SLC8A3: variants seen among roughly 807,000 people sequenced by gnomAD.
The protein encoded by SLC8A3 is sodium/calcium exchanger 3.
In SLC8A3, 37 loss-of-function variants were observed where a neutral mutation model predicts 65.4. The ratio of observed to expected loss-of-function variants is 0.57; its 90% confidence interval spans 0.44 to 0.74. SLC8A3 has a LOEUF of 0.74. SLC8A3 is among the 30% of genes least tolerant of loss of function. SLC8A3 has a pLI of 0.00. For synonymous variants in SLC8A3, 461 were observed against 444.5 expected (o/e 1.04, Z -0.47); for missense variants, 1,112 against 1,172.1 (o/e 0.95, Z 0.75).
intron 2 of SLC8A3, among the ~76,000 whole-genome samples, chr14:70,103,990 A>G (rs1231905406): frequency 1.3e-5 from 2 of 152,144 alleles, no homozygotes; most frequent in Non-Finnish European, 2.9e-5. Flanking sequence ...GGCTACATTC[A>G]TATCAGTTAA....
Position 70,167,985 on chromosome 14 carries a change from A to G in SLC8A3, c.438T>C (p.Pro146=). The change falls in exon 2 of 7, where the codon CCT becomes CCC. Residue 146 remains proline, a synonymous_variant. Transcript: ENST00000356921. ...LTLMALGSSA[P]EILLSLIEVC... ...CCTCAATTAAAGAGAGGAGTATCTC[A>G]GGAGCAGAGGAACCCAGGGCCATAA... 5 of 1,613,174 alleles carry G rather than the reference A, an allele frequency of 3.1e-6. No individual in the cohort carries two copies. The highest frequency in any genetic ancestry group is 4.2e-6 in the Non-Finnish European group (5 of 1,179,102).
intron 2 of SLC8A3, among the ~76,000 whole-genome samples, chr14:70,156,970 A>G (rs1421288753): frequency 1.3e-5 from 2 of 152,220 alleles, no homozygotes; most frequent in South Asian, 2.1e-4. Flanking sequence ...AGATCAGAGA[A>G]AAAGTAAATG....
At chr14:70,164,773 T>G (rs1897076846) in intron 2 of SLC8A3, among the ~76,000 whole-genome samples, 1 of 152,230 alleles carries the variant, frequency 6.6e-6, no homozygotes, top group South Asian at 2.1e-4. Context: ...TGTCATTTAA[T>G]GCCTTACCAT....
At position 70,166,905 on chromosome 14, in the gene SLC8A3, A is replaced by T; in HGVS notation, c.1518T>A (p.Leu506=). Residue 506 remains leucine, a synonymous_variant, in exon 2 of 7, where the codon CTT becomes CTA. Coordinates refer to ENST00000356921, the MANE Select transcript of SLC8A3 (RefSeq NM_182932.3). ...EGMPPAIFNS[L]PLPRAVLASP... ...AGGCTAGGACAGCCCGAGGCAAGGG[A>T]AGACTGTTGAATATTGCTGGAGGCA... The T allele has an allele frequency of 6.2e-7, 1 of 1,614,168 alleles. No individual in the cohort carries two copies. Among genetic ancestry groups the T allele is most frequent in the Non-Finnish European group, 8.5e-7 (1 of 1,180,026 alleles).
rs376803738 is a variant in SLC8A3, at chr14:70,149,860, G to T, written c.1784+16779C>A. ...ATAACGTCCACATCGGGATGCAGAG[G>T]AGTCAACCTCAAGGTCACCTTCTTC... On this transcript the variant is annotated intron_variant, in intron 2 of 6. Coordinates refer to ENST00000356921, the MANE Select transcript of SLC8A3 (RefSeq NM_182932.3). 3.3e-5 allele frequency among the ~76,000 whole-genome samples: 5 copies of T among 152,208 alleles called. No individual in the cohort carries two copies. The East Asian group carries it at 9.6e-4, about 29-fold the overall frequency.
chr14:70,132,027 C>T (rs1894869161), intron 2 of SLC8A3, among the ~76,000 whole-genome samples: 1 of 152,232 alleles, frequency 6.6e-6, no homozygotes, highest in Admixed American at 6.5e-5. Context: ...TCATGCAAAG[C>T]AAGAACCTGC....
intron 2 of SLC8A3, among the ~76,000 whole-genome samples, chr14:70,131,203 C>T (rs1056126960): frequency 2.0e-5 from 3 of 151,852 alleles, no homozygotes; most frequent in Non-Finnish European, 4.4e-5. Context: ...TGGATGATCT[C>T]AGAATGGAGC....
At chr14:70,182,288 C>T (rs1275209975) in intron 1 of SLC8A3, among the ~76,000 whole-genome samples, 1 of 152,154 alleles carries the variant, frequency 6.6e-6, no homozygotes, top group African/African-American at 2.4e-5. Context: ...AGATACTGTG[C>T]ACACGGCTGG....
chr14:70,186,583 T>A (rs964742059), intron 1 of SLC8A3, among the ~76,000 whole-genome samples: 9 of 152,346 alleles, frequency 5.9e-5, no homozygotes, highest in Admixed American at 5.2e-4. Flanking sequence ...TTCAGTTCTA[T>A]AGGCCTTATC....
chr14:70,173,774 C>T (rs1189547472), intron 1 of SLC8A3, among the ~76,000 whole-genome samples: 3 of 152,164 alleles, frequency 2.0e-5, no homozygotes, highest in Non-Finnish European at 2.9e-5. Context: ...CCTGCACTTC[C>T]TCTGCCTCCG....
At chr14:70,115,987 C>T (rs886122472) in intron 2 of SLC8A3, among the ~76,000 whole-genome samples, 1 of 152,130 alleles carries the variant, frequency 6.6e-6, no homozygotes, top group African/African-American at 2.4e-5. Flanking sequence ...TTAACAAAGC[C>T]TTTGTCAGAC....
Position 70,166,932 on chromosome 14 carries a change from C to G in SLC8A3, c.1491G>C (p.Gly497=), listed in dbSNP as rs150930612. 1 of 1,614,008 alleles carries G rather than the reference C, an allele frequency of 6.2e-7. No individual in the cohort carries two copies. Residue 497 remains glycine (G), a synonymous_variant, in exon 2 of 7, where the codon GGG becomes GGC. Coordinates refer to ENST00000356921, the MANE Select transcript of SLC8A3 (RefSeq NM_182932.3). ...GACTGTTGAATATTGCTGGAGGCAT[C>G]CCCTCCTCTGGCTGCTCCTCCTCTA... The part of the protein sequence containing the change: ...VRIEEEQPEE[G]MPPAIFNSLP...
At chr14:70,094,000 C>T (rs1048638526) in intron 2 of SLC8A3, among the ~76,000 whole-genome samples, 23 of 152,170 alleles carry the variant, frequency 1.5e-4, no homozygotes, top group African/African-American at 5.5e-4. Flanking sequence ...TGCATAAGAC[C>T]CAATGTTGAC....
At chr14:70,112,798 G>A (rs905664622) in intron 2 of SLC8A3, among the ~76,000 whole-genome samples, 4 of 152,148 alleles carry the variant, frequency 2.6e-5, no homozygotes, top group African/African-American at 7.2e-5. Flanking sequence ...AGCTTCTGGT[G>A]GCTCCTGGCA....
At chr14:70,097,120 A>G (rs772803035) in intron 2 of SLC8A3, among the ~76,000 whole-genome samples, 34 of 152,148 alleles carry the variant, frequency 2.2e-4, no homozygotes, top group Non-Finnish European at 4.7e-4. Flanking sequence ...TCTGCAAGAA[A>G]TGTTGTGGGG....
chr14:70,126,065 G>C (rs116155855), intron 2 of SLC8A3, among the ~76,000 whole-genome samples: 19 of 152,322 alleles, frequency 1.2e-4, no homozygotes, highest in African/African-American at 4.1e-4. Flanking sequence ...TTTTCCTAAA[G>C]AGTTTTCACC....
At chr14:70,095,236 G>C (rs1892088486) in intron 2 of SLC8A3, among the ~76,000 whole-genome samples, 1 of 152,224 alleles carries the variant, frequency 6.6e-6, no homozygotes, top group South Asian at 2.1e-4. Flanking sequence ...CACTTTGGTT[G>C]CTTCTGTCCT....
At chr14:70,102,179 G>A (rs1892592275) in intron 2 of SLC8A3, among the ~76,000 whole-genome samples, 1 of 152,154 alleles carries the variant, frequency 6.6e-6, no homozygotes. Flanking sequence ...TCCTGCTCAG[G>A]TGAGAACTCA....
chr14:70,068,482 G>A (rs555382967), intron 2 of SLC8A3, among the ~76,000 whole-genome samples: 9 of 152,158 alleles, frequency 5.9e-5, no homozygotes, highest in East Asian at 3.9e-4. Context: ...TGCTCAGGCC[G>A]TCCTCCTGCC....
Sources: gnomAD v4.1 joint callset for allele counts (sites outside exome capture counted in the v4.1 genomes callset) on GRCh38, gnomAD v4.1.1 for gene constraint, MANE v1.5 for transcripts, NCBI Gene and HGNC (gene_info 2026-07-23, HGNC 2026-07-21) for gene names.